PTPRM: variants seen among roughly 807,000 people sequenced by gnomAD.
The protein encoded by PTPRM is receptor-type tyrosine-protein phosphatase mu.
PTPRM carries 47 observed loss-of-function variants against 186.7 expected under a neutral mutation model. The ratio of observed to expected loss-of-function variants is 0.25; its 90% CI spans 0.20 to 0.32. The LOEUF (loss-of-function observed/expected upper bound fraction) is 0.32, where lower values mean the gene tolerates loss of function less well. Among genes scored for constraint, PTPRM ranks in the 10% least tolerant of loss-of-function variants. The probability of loss-of-function intolerance (pLI) is 1.00; values close to 1 mark genes in which losing one functional copy is unlikely to be tolerated. For synonymous variants in PTPRM, 668 were observed against 674.9 expected (o/e 0.99, Z 0.16); for missense variants, 1,494 against 1,865.0 (o/e 0.80, Z 3.66).
At chr18:7,570,676 TA>T (rs2036545494) in intron 1 of PTPRM, among the ~76,000 whole-genome samples, 1 of 152,184 alleles carries the variant, frequency 6.6e-6, no homozygotes, top group Non-Finnish European at 1.5e-5. Flanking sequence ...TTTATAAATA[TA>T]ATCAGTCAAG....
At chr18:8,389,975 T>A (rs567383132) in intron 31 of PTPRM, among the ~76,000 whole-genome samples, 6 of 152,312 alleles carry the variant, frequency 3.9e-5, no homozygotes, top group Admixed American at 1.3e-4. Context: ...TAAAGCTAGA[T>A]TAAATGGATA....
At chr18:8,355,623 A>T (rs1474817156) in intron 23 of PTPRM, among the ~76,000 whole-genome samples, 2 of 152,214 alleles carry the variant, frequency 1.3e-5, no homozygotes, top group East Asian at 3.8e-4. Flanking sequence ...CCAAAGGCAG[A>T]ACAATCAGCA....
chr18:7,996,192 A>T (rs2083525733), intron 7 of PTPRM, among the ~76,000 whole-genome samples: 1 of 152,024 alleles, frequency 6.6e-6, no homozygotes, highest in South Asian at 2.1e-4. Context: ...TTAAAAAAAA[A>T]AATAAATAAA....
intron 20 of PTPRM, among the ~76,000 whole-genome samples, chr18:8,298,921 C>T (rs1454341259): frequency 6.6e-6 from 1 of 152,054 alleles, no homozygotes; most frequent in Non-Finnish European, 1.5e-5. Context: ...GGAGACCAGC[C>T]TTGGCAACAA....
chr18:7,767,843 A>T (rs1301024817), intron 1 of PTPRM, among the ~76,000 whole-genome samples: 1 of 152,138 alleles, frequency 6.6e-6, no homozygotes, highest in African/African-American at 2.4e-5. Context: ...ATTTTGTCAC[A>T]TTTTGCAGTT....
intron 1 of PTPRM, among the ~76,000 whole-genome samples, chr18:7,690,413 G>A (rs1039579166): frequency 2.0e-5 from 3 of 152,098 alleles, no homozygotes; most frequent in Admixed American, 1.3e-4. Context: ...TACTTTATAT[G>A]TTATTTACAT....
intron 32 of PTPRM, among the ~76,000 whole-genome samples, chr18:8,396,916 C>A (rs1348073058): frequency 6.6e-6 from 1 of 152,184 alleles, no homozygotes; most frequent in East Asian, 1.9e-4. Context: ...AATACGACTT[C>A]TGTTTAGTTT....
chr18:7,883,525 G>T (rs1332626295), intron 2 of PTPRM, among the ~76,000 whole-genome samples: 2 of 152,168 alleles, frequency 1.3e-5, no homozygotes, highest in African/African-American at 4.8e-5. Flanking sequence ...TAACTTTACT[G>T]CAGGTTGCTA....
intron 7 of PTPRM, among the ~76,000 whole-genome samples, chr18:8,050,893 G>A (rs1436038171): frequency 1.3e-5 from 2 of 152,084 alleles, no homozygotes; most frequent in African/African-American, 4.8e-5. Context: ...CTAGCACTAA[G>A]TTTCCAAGAA....
At chr18:8,250,840 C>T (rs1054462919) in intron 17 of PTPRM, among the ~76,000 whole-genome samples, 3 of 150,552 alleles carry the variant, frequency 2.0e-5, no homozygotes, top group African/African-American at 7.3e-5. Context: ...TTTTTAAACA[C>T]ATAAAGGAAA....
chr18:8,017,905 C>A (rs1366298824), intron 7 of PTPRM: 1 of 152,054 alleles, frequency 6.6e-6, no homozygotes, highest in African/African-American at 2.4e-5. Context: ...CAATTCTGGC[C>A]CCACCTCGCA....
rs1226241960 is a variant in PTPRM, at chr18:7,567,451, CGCCACG to C, written c.-358_-353del. On this transcript the variant is annotated 5_prime_UTR_variant, in exon 1 of 33. Coordinates refer to ENST00000580170, the MANE Select transcript of PTPRM (RefSeq NM_001105244.2). This position sits in a 1 kb window ranked among gnomAD's most constrained non-coding sequence, Gnocchi z 4.3. ...CGCGCGCGGCCACGGCCACGGCCAC[CGCCACG>C]GCCACGGCCGGCAGCTCGGGTCCCG... 1 of 167,642 alleles carries C rather than the reference CGCCACG, an allele frequency of 6.0e-6. No homozygotes were observed. The highest frequency in any genetic ancestry group is 1.3e-5 in the Non-Finnish European group (1 of 79,286). 10.4% of individuals were successfully genotyped at this position (167,642 alleles called of 1,614,324 possible).
chr18:7,726,474 C>T (rs532349707), intron 1 of PTPRM, among the ~76,000 whole-genome samples: 1 of 152,248 alleles, frequency 6.6e-6, no homozygotes, highest in South Asian at 2.1e-4. Flanking sequence ...ATTTTTTAAG[C>T]TCTCATAGAA....
intron 20 of PTPRM, among the ~76,000 whole-genome samples, chr18:8,305,800 G>T (rs1455796916): frequency 1.3e-5 from 2 of 152,096 alleles, no homozygotes; most frequent in Admixed American, 1.3e-4. Flanking sequence ...GTTCTGCCCT[G>T]CTCTGCTGTT....
chr18:8,398,416 G>T (rs1343338767), intron 32 of PTPRM, among the ~76,000 whole-genome samples: 1 of 152,168 alleles, frequency 6.6e-6, no homozygotes, highest in Non-Finnish European at 1.5e-5. Flanking sequence ...GAACTCACTG[G>T]AGATGCAAAA....
intron 1 of PTPRM, among the ~76,000 whole-genome samples, chr18:7,682,484 G>A (rs11665353): frequency 0.019 from 2,939 of 152,190 alleles, 90 homozygotes; most frequent in African/African-American, 0.067. Flanking sequence ...ACTTTTATTA[G>A]GTTACACCTG....
At chr18:8,396,801 T>C (rs187387893) in intron 32 of PTPRM, among the ~76,000 whole-genome samples, 3 of 152,294 alleles carry the variant, frequency 2.0e-5, no homozygotes, top group Admixed American at 6.5e-5. Context: ...GTTAGCAGGG[T>C]ATTAGATAAT....
At chr18:7,924,290 C>T (rs1186446955) in intron 4 of PTPRM, among the ~76,000 whole-genome samples, 1 of 152,006 alleles carries the variant, frequency 6.6e-6, no homozygotes, top group East Asian at 1.9e-4. Context: ...TGGGAGTATG[C>T]TTAGAATTAT....
At chr18:8,313,173 A>G (rs535444316) in intron 20 of PTPRM, among the ~76,000 whole-genome samples, 4 of 152,304 alleles carry the variant, frequency 2.6e-5, no homozygotes, top group Non-Finnish European at 4.4e-5. Context: ...CCCAAAAGAA[A>G]TGTTGAGTAA....
Sources: gnomAD v4.1 joint callset for allele counts (sites outside exome capture counted in the v4.1 genomes callset) on GRCh38, gnomAD v4.1.1 for gene constraint, Gnocchi (gnomAD v3.1) non-coding constraint, MANE v1.5 for transcripts, NCBI Gene and HGNC (gene_info 2026-07-23, HGNC 2026-07-21) for gene names.